ARHGEF12: variants seen among roughly 807,000 people sequenced by gnomAD.
The protein encoded by ARHGEF12 is KMT2A/ARHGEF12 fusion protein.
Under a neutral mutation model 211.2 loss-of-function variants are expected in ARHGEF12, and 66 were observed. The ratio of observed to expected loss-of-function variants is 0.31; its 90% confidence interval spans 0.26 to 0.38. ARHGEF12 has a LOEUF of 0.38. Among genes scored for constraint, ARHGEF12 ranks in the 10% least tolerant of loss-of-function variants. The probability of loss-of-function intolerance (pLI) is 1.00; values close to 1 mark genes in which losing one functional copy is unlikely to be tolerated. For synonymous variants in ARHGEF12, 592 were observed against 638.4 expected, an observed-to-expected ratio of 0.93 and a Z score of 1.09; for missense variants, 1,429 against 1,869.5, an observed-to-expected ratio of 0.76 and a Z score of 4.34.
intron 1 of ARHGEF12, among the ~76,000 whole-genome samples, chr11:120,362,643 C>T (rs548092128): frequency 8.5e-5 from 13 of 152,226 alleles, no homozygotes; most frequent in Non-Finnish European, 7.3e-5. Context: ...TCAAATTAGA[C>T]GTGTATACAA....
chr11:120,478,490 G>A (rs944339039), intron 37 of ARHGEF12, 101 bp downstream of exon 37: 2 of 1,107,346 alleles, frequency 1.8e-6, no homozygotes, highest in African/African-American at 3.1e-5. Context: ...TATTCTTCTA[G>A]TTCTATTGTG....
rs1453162752 is a variant in ARHGEF12 at position 120,467,187 on chromosome 11, A to C, written c.2740-7A>C. 1 of 1,573,788 alleles carries C rather than the reference A, an allele frequency of 6.4e-7. No homozygotes were observed. The highest frequency in any genetic ancestry group is 8.7e-7 in the Non-Finnish European group (1 of 1,145,868). ...TTACAGATTCACTTATTTCACTTTA[A>C]TTTTAGGATGCTGAAAGTAATCCAC... On this transcript the variant is annotated splice_polypyrimidine_tract_variant and splice_region_variant and intron_variant, in intron 28 of 40. Coordinates refer to ENST00000397843, the MANE Select transcript of ARHGEF12 (RefSeq NM_015313.3).
At chr11:120,392,593 A>G (rs1487278781) in intron 1 of ARHGEF12, among the ~76,000 whole-genome samples, 1 of 152,224 alleles carries the variant, frequency 6.6e-6, no homozygotes, top group Non-Finnish European at 1.5e-5. Flanking sequence ...CTCACATAAA[A>G]AAGAAATCTA....
intron 15 of ARHGEF12, among the ~76,000 whole-genome samples, chr11:120,443,431 C>T (rs1424401859): frequency 1.3e-5 from 2 of 152,148 alleles, no homozygotes; most frequent in East Asian, 1.9e-4. Context: ...CCTGCATCAT[C>T]GGTTTTATAT....
chr11:120,486,378 T>C lies in ARHGEF12; in HGVS notation c.*1301T>C, dbSNP rs1415931973. On this transcript the variant is annotated 3_prime_UTR_variant, in exon 41 of 41. Transcript: ENST00000397843. ...CAGCTCTTTCCACACGGGGCCGTGA[T>C]TGACCCTAAAAATTGCAGACCAGCA... 2 of 232,820 alleles carry C rather than the reference T, an allele frequency of 8.6e-6. No individual in the cohort carries two copies. The highest frequency in any genetic ancestry group is 4.4e-5 in the African/African-American group (2 of 45,308). The allele number at this position is 232,820 out of a possible 1,614,324, so 14.4% of individuals were successfully genotyped here.
chr11:120,448,326 T>C lies in ARHGEF12; in HGVS notation c.1715T>C (p.Ile572Thr), dbSNP rs1301046561. ...PRNLEHKRGR[I>T]GFLPKIKQSM... ...AATTTGGAGCACAAACGGGGTCGGA[T>C]TGGATTTCTTCCCAAAATCAAGGTA... Residue 572 changes from isoleucine to threonine, a missense_variant, in exon 20 of 41, where the codon ATT (isoleucine) becomes ACT (threonine). Ile to Thr is a moderately conservative substitution (Grantham distance 89). Transcript: ENST00000397843. 5.0e-6 allele frequency: 8 copies of C among 1,613,988 alleles called. No individual in the cohort carries two copies. The highest frequency in any genetic ancestry group is 4.4e-5 in the South Asian group (4 of 91,082).
intron 4 of ARHGEF12, among the ~76,000 whole-genome samples, chr11:120,412,519 G>A (rs562601859): frequency 2.0e-4 from 30 of 152,286 alleles, no homozygotes; most frequent in Middle Eastern, 3.4e-3. Flanking sequence ...CCTTTCCTCC[G>A]TGTTTGCCAA....
rs1044490188 is a variant in ARHGEF12 at position 120,359,249 on chromosome 11, G to A, written c.32+21974G>A. On this transcript the variant is annotated intron_variant, in intron 1 of 40. Coordinates refer to ENST00000397843, the MANE Select transcript of ARHGEF12 (RefSeq NM_015313.3). Reference sequence around the variant, plus strand: ...GGGCCCATTTTGTTTTTTTGAGATAGGATCTCACTGTGTTGCTCAGGCTGG... The same window carrying A: ...GGGCCCATTTTGTTTTTTTGAGATAAGATCTCACTGTGTTGCTCAGGCTGG... Among the ~76,000 whole-genome samples, 45 of 152,134 alleles carry A rather than the reference G, an allele frequency of 3.0e-4. 1 individual carries two copies. Among genetic ancestry groups the A allele is most frequent in the African/African-American group, 9.9e-4 (41 of 41,472 alleles).
At chr11:120,420,994 A>G (rs530323645) in intron 5 of ARHGEF12, 143 bp downstream of exon 5, 1 of 662,526 alleles carries the variant, frequency 1.5e-6, no homozygotes, top group South Asian at 2.5e-5. Flanking sequence ...CTATCATGTC[A>G]TAGTTACAGG....
intron 10 of ARHGEF12, among the ~76,000 whole-genome samples, 199 bp from the exon 11 acceptor site, chr11:120,431,572 A>G (rs1045393756): frequency 9.2e-5 from 14 of 152,220 alleles, no homozygotes; most frequent in African/African-American, 2.7e-4. Flanking sequence ...CTTTAAGGTC[A>G]TGACATTTTA....
intron 1 of ARHGEF12, among the ~76,000 whole-genome samples, chr11:120,359,543 A>G (rs1943223933): frequency 6.6e-6 from 1 of 152,204 alleles, no homozygotes; most frequent in Non-Finnish European, 1.5e-5. Flanking sequence ...TGCCCAGCCT[A>G]TTGGTGGTCA....
intron 1 of ARHGEF12, among the ~76,000 whole-genome samples, chr11:120,373,126 T>C (rs1015079791): frequency 5.9e-5 from 9 of 152,178 alleles, no homozygotes; most frequent in African/African-American, 2.2e-4. Context: ...TAATGAACCT[T>C]CACTGACCTG....
intron 1 of ARHGEF12, chr11:120,385,557 G>T (rs1944004413): frequency 2.4e-6 from 2 of 837,762 alleles, no homozygotes; most frequent in Non-Finnish European, 2.9e-6. Context: ...AATAGCTTCA[G>T]TGAAAGGGAT....
intron 34 of ARHGEF12, 143 bp downstream of exon 34, chr11:120,476,891 C>T (rs1488027392): frequency 4.6e-6 from 3 of 648,586 alleles, no homozygotes; most frequent in Non-Finnish European, 7.7e-6. Flanking sequence ...CTACTATGAA[C>T]TTGTTCTTTT....
intron 2 of ARHGEF12, among the ~76,000 whole-genome samples, chr11:120,406,851 C>T (rs1055496478): frequency 3.9e-5 from 6 of 152,194 alleles, no homozygotes; most frequent in African/African-American, 1.4e-4. Flanking sequence ...AGCCACTGCA[C>T]CCAGCCTAGT....
In ARHGEF12 at chr11:120,451,714, G is replaced by A. The variant is rs112881439; in HGVS notation, c.2046G>A (p.Glu682=). The A allele has an allele frequency of 1.7e-5, 28 of 1,613,610 alleles. 1 individual carries two copies. Among genetic ancestry groups the A allele is most frequent in the Middle Eastern group, 1.6e-4 (1 of 6,062 alleles). ...CTTTTTCCCAGGAAGGAGGGAAAGA[G>A]AATGATACAGGTGAGCTATTACTGT... ...GASFSQEGGK[E]NDTGSKQVGE... Residue 682 remains glutamate (E), a synonymous_variant, in exon 22 of 41, where the codon GAG becomes GAA. Coordinates refer to ENST00000397843, the MANE Select transcript of ARHGEF12 (RefSeq NM_015313.3).
Position 120,489,158 on chromosome 11 carries a change from A to T in ARHGEF12, c.*4081A>T, listed in dbSNP as rs1185637486. On this transcript the variant is annotated 3_prime_UTR_variant, in exon 41 of 41. Coordinates refer to ENST00000397843, the MANE Select transcript of ARHGEF12 (RefSeq NM_015313.3). ...GTGACTGTCAGACATCTTCCTGCTT[A>T]TTAGAGCATCCCTAGCAACAAGGCT... The T allele has an allele frequency of 4.4e-6, 1 of 227,206 alleles. No homozygotes were observed. The highest frequency in any genetic ancestry group is 8.8e-6 in the Non-Finnish European group (1 of 114,166). The allele number at this position is 227,206 out of a possible 1,614,324, so 14.1% of individuals were successfully genotyped here.
At position 120,487,331 on chromosome 11, in the gene ARHGEF12, C is replaced by G. The variant is rs929724180; in HGVS notation, c.*2254C>G. ...CTGGAAAAATACTTTGACCATAGCT[C>G]TAGTACTTCCAAATAAATTCATATC... On this transcript the variant is annotated 3_prime_UTR_variant, in exon 41 of 41. Transcript: ENST00000397843. 1.4e-5 allele frequency: 3 copies of G among 218,994 alleles called. No homozygotes were observed. Among genetic ancestry groups the G allele is most frequent in the East Asian group, 6.7e-5 (1 of 14,850 alleles). The allele number at this position is 218,994 out of a possible 1,614,324, so 13.6% of individuals were successfully genotyped here.
chr11:120,340,430 A>G (rs1230770298), intron 1 of ARHGEF12, among the ~76,000 whole-genome samples: 1 of 152,202 alleles, frequency 6.6e-6, no homozygotes, highest in Non-Finnish European at 1.5e-5. Flanking sequence ...ATAGATAAAG[A>G]CAGGTTTTTG....
Sources: allele counts gnomAD v4.1 joint callset (sites outside exome capture counted in the v4.1 genomes callset), GRCh38; gene constraint gnomAD v4.1.1; transcripts MANE v1.5; gene names NCBI Gene and HGNC (gene_info 2026-07-23, HGNC 2026-07-21).